Variants in AVEN observed in about 807,000 individuals in gnomAD.
The protein encoded by AVEN is apoptosis and caspase activation inhibitor.
Under a neutral mutation model 38.1 loss-of-function variants are expected in AVEN, and 41 were observed. The observed-to-expected ratio is 1.08, with a 90% CI of 0.84 to 1.40. The LOEUF (loss-of-function observed/expected upper bound fraction) is 1.40. AVEN is among the 40% of genes most tolerant of loss of function. The pLI is 0.00. For synonymous variants in AVEN, 206 were observed against 171.8 expected, an observed-to-expected ratio of 1.20 and a Z score of -1.56; for missense variants, 605 against 438.8, an observed-to-expected ratio of 1.38 and a Z score of -3.38.
At chr15:33,911,916 A>G (rs529585468) in intron 2 of AVEN, among the ~76,000 whole-genome samples, 2 of 152,308 alleles carry the variant, frequency 1.3e-5, no homozygotes, top group East Asian at 1.9e-4. Flanking sequence ...ATGAACTGCA[A>G]GTCAGTTCAC....
At chr15:33,983,183 C>CGT (rs536612414) in intron 2 of AVEN, among the ~76,000 whole-genome samples, 4,247 of 96,828 alleles carry the variant, frequency 0.044, 256 homozygotes, top group African/African-American at 0.14. Context: ...TATATACACA[C>CGT]GTGTGTGTAT....
chr15:33,867,426 A>C, intron 5 of AVEN, 69 bp downstream of exon 5: 2 of 1,521,132 alleles, frequency 1.3e-6, no homozygotes, highest in Non-Finnish European at 1.8e-6. Context: ...TGCGGATGTG[A>C]TGCGGGCGGG....
chr15:34,025,824 T>C (rs539479630), intron 1 of AVEN, among the ~76,000 whole-genome samples: 35 of 152,180 alleles, frequency 2.3e-4, no homozygotes, highest in African/African-American at 6.3e-4. Flanking sequence ...AGACAGGCAC[T>C]GGACCTGTCC....
At chr15:33,978,155 C>T (rs964887151) in intron 2 of AVEN, among the ~76,000 whole-genome samples, 1 of 152,050 alleles carries the variant, frequency 6.6e-6, no homozygotes, top group African/African-American at 2.4e-5. Context: ...GATCCAAGTA[C>T]ATGAAGAAAG....
chr15:34,011,191 CA>C (rs929016019), intron 1 of AVEN, among the ~76,000 whole-genome samples: 4 of 147,562 alleles, frequency 2.7e-5, no homozygotes, highest in Admixed American at 2.0e-4. Context: ...GACTCTGTCT[CA>C]AAAAAAACTT....
At chr15:34,037,741 A>G (rs1899214995) in intron 1 of AVEN, among the ~76,000 whole-genome samples, 1 of 152,064 alleles carries the variant, frequency 6.6e-6, no homozygotes, top group Non-Finnish European at 1.5e-5. Flanking sequence ...TAAGTTTGTT[A>G]CATTTAAATT....
chr15:34,043,495 A>G (rs1899563057), upstream of AVEN, among the ~76,000 whole-genome samples: 1 of 152,188 alleles, frequency 6.6e-6, no homozygotes, highest in Admixed American at 6.5e-5. Flanking sequence ...GTCTTTATTT[A>G]CTATGTTGTT....
chr15:33,873,287 G>A (rs909712661), intron 3 of AVEN, among the ~76,000 whole-genome samples: 6 of 149,608 alleles, frequency 4.0e-5, no homozygotes, highest in East Asian at 2.0e-4. Flanking sequence ...TTCAGTAGAC[G>A]CAGGGTTTCA....
chr15:33,907,123 A>T (rs1167798674), intron 2 of AVEN, among the ~76,000 whole-genome samples: 3 of 152,164 alleles, frequency 2.0e-5, no homozygotes, highest in African/African-American at 7.2e-5. Flanking sequence ...TCATACTAGC[A>T]TCTGGACCAC....
chr15:33,859,608 G>A, intron 11 of AVEN: 1 of 1,614,042 alleles, frequency 6.2e-7, no homozygotes, highest in East Asian at 2.2e-5. Context: ...GGGAGTGAGA[G>A]CAGGAGGTGG....
chr15:33,897,423 C>CTA (rs1892277708), intron 2 of AVEN, among the ~76,000 whole-genome samples: 4 of 152,076 alleles, frequency 2.6e-5, no homozygotes, highest in African/African-American at 4.8e-5. Context: ...TCAGCCTCCA[C>CTA]CATGCCTGGC....
chr15:33,979,061 T>A (rs909277749), intron 2 of AVEN, among the ~76,000 whole-genome samples: 2 of 152,220 alleles, frequency 1.3e-5, no homozygotes, highest in Non-Finnish European at 2.9e-5. Flanking sequence ...TACTTGAGAA[T>A]ATTCCACATT....
At chr15:33,961,817 A>G (rs1895199691) in intron 2 of AVEN, among the ~76,000 whole-genome samples, 1 of 129,778 alleles carries the variant, frequency 7.7e-6, no homozygotes, top group African/African-American at 3.6e-5. Context: ...TGTCTCAAAA[A>G]AAAAAAAAAA....
chr15:33,880,539 G>C lies in AVEN; in HGVS notation c.446-4544C>G, dbSNP rs987319523. On this transcript the variant is annotated intron_variant, in intron 2 of 5. Transcript: ENST00000306730. ...GTAAGTTAGGAGTAAAGTAGGAATTGACCAGCCCTCACCAAGTCTGAGGTC... is the reference window on the plus strand; with the variant it reads ...GTAAGTTAGGAGTAAAGTAGGAATTCACCAGCCCTCACCAAGTCTGAGGTC... 2.6e-5 allele frequency among the ~76,000 whole-genome samples: 4 copies of C among 152,132 alleles called. No individual in the cohort carries two copies. In the South Asian group the frequency reaches 6.2e-4, roughly 24 times the overall value.
chr15:34,012,916 C>T (rs1897695528), intron 1 of AVEN, among the ~76,000 whole-genome samples: 1 of 152,150 alleles, frequency 6.6e-6, no homozygotes, highest in African/African-American at 2.4e-5. Context: ...CCTTTATAAG[C>T]ACAAATTTCC....
chr15:33,961,683 G>A (rs1419019085), intron 2 of AVEN, among the ~76,000 whole-genome samples: 1 of 151,330 alleles, frequency 6.6e-6, no homozygotes, highest in East Asian at 1.9e-4. Context: ...CGTGGTGGCG[G>A]GCACCTGTAG....
At chr15:34,001,493 G>A (rs191489390) in intron 2 of AVEN, among the ~76,000 whole-genome samples, 3 of 152,094 alleles carry the variant, frequency 2.0e-5, no homozygotes, top group Admixed American at 1.3e-4. Context: ...CAGCTGTTGA[G>A]AATTAAAACT....
chr15:33,858,691 G>C (rs904354091), downstream of AVEN: 2 of 139,346 alleles, frequency 1.4e-5, no homozygotes, highest in Non-Finnish European at 3.3e-5. Flanking sequence ...GAGGTGGGGA[G>C]GGGGAGTCCC....
At chr15:33,864,291 ATCCCGTGAATGCATTT>A, downstream of AVEN, 1 of 856,892 alleles carries the variant, frequency 1.2e-6, no homozygotes, top group Non-Finnish European at 1.8e-6. Context: ...GGCCCCATTA[ATCCCGTGAATGCATTT>A]TCCCATCACC....
Sources: gnomAD v4.1 joint callset for allele counts (sites outside exome capture counted in the v4.1 genomes callset) on GRCh38, gnomAD v4.1.1 for gene constraint, MANE v1.5 for transcripts, NCBI Gene and HGNC (gene_info 2026-07-23, HGNC 2026-07-21) for gene names.